RBFOX1: variants seen among roughly 807,000 people sequenced by gnomAD.
RBFOX1 encodes RNA binding fox-1 homolog 1, also known as RNA binding protein fox-1 homolog 1.
RBFOX1 carries 8 observed loss-of-function variants against 57.7 expected under a neutral mutation model. The ratio of observed to expected loss-of-function variants is 0.14; its 90% CI spans 0.08 to 0.25. The LOEUF (loss-of-function observed/expected upper bound fraction) is 0.25. RBFOX1 is among the 10% of genes least tolerant of loss of function. RBFOX1 has a pLI of 1.00. For synonymous variants in RBFOX1, 326 were observed against 222.4 expected (o/e 1.47, Z -4.15); for missense variants, 611 against 548.5 (o/e 1.11, Z -1.14).
intron 4 of RBFOX1, among the ~76,000 whole-genome samples, chr16:7,269,595 G>A (rs2095267193): frequency 6.6e-6 from 1 of 151,972 alleles, no homozygotes; most frequent in Non-Finnish European, 1.5e-5. Flanking sequence ...GAATCATTTT[G>A]GGAAATTACA....
chr16:6,723,251 C>T (rs968588819), intron 3 of RBFOX1, among the ~76,000 whole-genome samples: 1 of 152,176 alleles, frequency 6.6e-6, no homozygotes, highest in African/African-American at 2.4e-5. Context: ...AGACTTTGGG[C>T]AAGCAGTTTC....
At chr16:7,031,840 C>T (rs2042881113) in intron 3 of RBFOX1, among the ~76,000 whole-genome samples, 1 of 152,162 alleles carries the variant, frequency 6.6e-6, no homozygotes, top group Non-Finnish European at 1.5e-5. Flanking sequence ...GTGGTCCTTG[C>T]TGGCCTGCTG....
intron 3 of RBFOX1, among the ~76,000 whole-genome samples, chr16:6,812,756 G>A (rs1490941024): frequency 2.0e-5 from 3 of 152,120 alleles, no homozygotes; most frequent in African/African-American, 7.2e-5. Context: ...ATTGTTGGAG[G>A]CCTCATTTGT....
chr16:5,667,892 T>A (rs2151407401), intron 3 of RBFOX1, among the ~76,000 whole-genome samples: 1 of 152,316 alleles, frequency 6.6e-6, no homozygotes, highest in Admixed American at 6.5e-5. Context: ...CGAAACTGCC[T>A]GTGGCAAGGA....
intron 3 of RBFOX1, among the ~76,000 whole-genome samples, chr16:6,767,944 T>TAAGAAGAAGAAGAAGAAG (rs1328651970): frequency 1.6e-3 from 141 of 86,620 alleles, no homozygotes; most frequent in African/African-American, 6.1e-3. Flanking sequence ...ATAATAATAA[T>TAAGAAGAAGAAGAAGAAG]AATAAGAAGA....
At chr16:6,276,293 C>G (rs760001486) in intron 1 of RBFOX1, among the ~76,000 whole-genome samples, 1 of 152,030 alleles carries the variant, frequency 6.6e-6, no homozygotes, top group Non-Finnish European at 1.5e-5. Flanking sequence ...TTTTTGTCCT[C>G]CCAGCTTGGG....
At chr16:5,264,535 G>A (rs1158434511) in intron 1 of RBFOX1, among the ~76,000 whole-genome samples, 16 of 152,240 alleles carry the variant, frequency 1.1e-4, no homozygotes, top group East Asian at 1.9e-4. Context: ...CCTTTTTGGC[G>A]GATTGTTCTT....
chr16:7,631,346 T>C (rs1179203768), intron 11 of RBFOX1, among the ~76,000 whole-genome samples: 1 of 152,124 alleles, frequency 6.6e-6, no homozygotes, highest in Non-Finnish European at 1.5e-5. Context: ...AGGAAGTAGA[T>C]CACAACATTG....
Position 5,948,132 on chromosome 16 carries a change from AG to A in RBFOX1, c.351+80801del, listed in dbSNP as rs746871287. ...AAAGGAAGTGCAGTTGAAACAGGAC[AG>A]GGGTGACTCTTTCCCTAATGCTATA... On this transcript the variant is annotated intron_variant, in intron 4 of 19. Transcript: ENST00000641259. Among the ~76,000 whole-genome samples, 210 of 152,142 alleles carry A rather than the reference AG, an allele frequency of 1.4e-3. 1 individual carries two copies. Among genetic ancestry groups the A allele is most frequent in the Non-Finnish European group, 2.1e-3 (146 of 68,000 alleles).
chr16:7,373,023 C>G (rs770554955), intron 4 of RBFOX1, among the ~76,000 whole-genome samples: 5 of 151,776 alleles, frequency 3.3e-5, no homozygotes, highest in Admixed American at 6.6e-5. Context: ...GCTCCGTCTC[C>G]CAGGCTGTAG....
intron 4 of RBFOX1, among the ~76,000 whole-genome samples, chr16:5,914,842 C>T (rs2058672498): frequency 6.6e-6 from 1 of 152,006 alleles, no homozygotes; most frequent in Admixed American, 6.5e-5. Flanking sequence ...TTGCAGTGAG[C>T]CGAGACTGTG....
chr16:7,606,747 T>G lies in RBFOX1; in HGVS notation c.623-538T>G, dbSNP rs2141242067. 2.6e-5 allele frequency among the ~76,000 whole-genome samples: 4 copies of G among 152,336 alleles called. No homozygotes were observed. In the Middle Eastern group the frequency reaches 0.014, roughly 518 times the overall value. On this transcript the variant is annotated intron_variant, in intron 9 of 15. Transcript: ENST00000550418. ...TTTACAGTTCCTGAATGCATCAAAA[T>G]GTAGGCCACAGTAAATCTCTAGGGG...
intron 2 of RBFOX1, among the ~76,000 whole-genome samples, chr16:6,471,717 A>G (rs888510476): frequency 6.6e-6 from 1 of 152,074 alleles, no homozygotes; most frequent in African/African-American, 2.4e-5. Flanking sequence ...AGGTTTATTC[A>G]TCTCAGCATT....
chr16:6,611,098 C>T (rs567218336), intron 2 of RBFOX1, among the ~76,000 whole-genome samples: 1 of 152,102 alleles, frequency 6.6e-6, no homozygotes, highest in South Asian at 2.1e-4. Context: ...CCAACAGGAA[C>T]CCATAAATGG....
chr16:5,388,539 C>T (rs1300720349), intron 1 of RBFOX1, among the ~76,000 whole-genome samples: 1 of 151,848 alleles, frequency 6.6e-6, no homozygotes, highest in East Asian at 1.9e-4. Context: ...TTGCTGTGGC[C>T]ACTTTAAGGA....
chr16:7,052,035 C>G, intron 3 of RBFOX1, 22 bp from the exon 4 acceptor site: 2 of 1,610,406 alleles, frequency 1.2e-6, no homozygotes, highest in Non-Finnish European at 8.5e-7. Context: ...GACTTTTCCC[C>G]TTCATTTTCT....
At chr16:5,611,114 C>T (rs921830560) in intron 3 of RBFOX1, 3 of 152,308 alleles carry the variant, frequency 2.0e-5, no homozygotes, top group Middle Eastern at 3.4e-3. Flanking sequence ...CTCTCTGACC[C>T]ACATGTGCTC....
chr16:7,366,451 C>A (rs1398693971), intron 4 of RBFOX1, among the ~76,000 whole-genome samples: 2 of 152,174 alleles, frequency 1.3e-5, no homozygotes, highest in African/African-American at 2.4e-5. Context: ...CCGGTCCAGC[C>A]TTCTGCCTCC....
chr16:6,639,185 C>A (rs2098467251), intron 2 of RBFOX1, among the ~76,000 whole-genome samples: 1 of 152,176 alleles, frequency 6.6e-6, no homozygotes, highest in Admixed American at 6.5e-5. Flanking sequence ...CTCTGTTGAC[C>A]TTCAGCTGTG....
Sources: allele counts gnomAD v4.1 joint callset (sites outside exome capture counted in the v4.1 genomes callset), GRCh38; gene constraint gnomAD v4.1.1; transcripts MANE v1.5; gene names NCBI Gene and HGNC (gene_info 2026-07-23, HGNC 2026-07-21).